NCAM2: variants seen among roughly 807,000 people sequenced by gnomAD.
NCAM2 encodes neural cell adhesion molecule 2, also known as N-CAM-2.
Under a neutral mutation model 98.1 loss-of-function variants are expected in NCAM2, and 30 were observed. The ratio of observed to expected loss-of-function variants is 0.31; its 90% confidence interval spans 0.23 to 0.41. The LOEUF is 0.41. Among genes scored for constraint, NCAM2 ranks in the 10% least tolerant of loss-of-function variants. The probability of loss-of-function intolerance (pLI) is 1.00; values close to 1 mark genes in which losing one functional copy is unlikely to be tolerated. For missense variants in NCAM2, 867 were observed against 1,005.8 expected (o/e 0.86, Z 1.87); for synonymous variants, 368 against 342.4 (o/e 1.07, Z -0.83).
At chr21:21,247,247 A>T (rs1193047745) in intron 1 of NCAM2, among the ~76,000 whole-genome samples, 1 of 152,118 alleles carries the variant, frequency 6.6e-6, no homozygotes. Context: ...TGAACCCGGG[A>T]GGCGGAGCTT....
chr21:21,233,853 A>G (rs923746590), intron 1 of NCAM2, among the ~76,000 whole-genome samples: 1 of 151,750 alleles, frequency 6.6e-6, no homozygotes, highest in Non-Finnish European at 1.5e-5. Context: ...TGGTCTTAGA[A>G]TAGAAGTAAT....
chr21:21,276,163 A>C (rs1766771249), intron 1 of NCAM2, among the ~76,000 whole-genome samples: 1 of 152,094 alleles, frequency 6.6e-6, no homozygotes, highest in African/African-American at 2.4e-5. Context: ...ATAATGGGCA[A>C]ACTTGATACA....
At position 21,538,148 on chromosome 21, in the gene NCAM2, G is replaced by A. The variant is rs1390558246; in HGVS notation, c.*191G>A. 1.4e-5 allele frequency: 5 copies of A among 362,884 alleles called. No individual in the cohort carries two copies. Among genetic ancestry groups the A allele is most frequent in the African/African-American group, 2.1e-5 (1 of 47,484 alleles). 22.5% of individuals were successfully genotyped at this position (362,884 alleles called of 1,614,324 possible). On this transcript the variant is annotated 3_prime_UTR_variant, in exon 18 of 18. Transcript: ENST00000400546. Reference sequence around the variant, plus strand: ...TTTTGTTATTGTTGTTGTTGTTGCTGTTGTTGTTAATTTTGTTAAGAATTT... The same window carrying A: ...TTTTGTTATTGTTGTTGTTGTTGCTATTGTTGTTAATTTTGTTAAGAATTT...
chr21:21,233,798 T>C (rs2070718699), intron 1 of NCAM2, among the ~76,000 whole-genome samples: 1 of 151,812 alleles, frequency 6.6e-6, no homozygotes, highest in South Asian at 2.1e-4. Flanking sequence ...TAATATAGTT[T>C]CTCTTTGCTA....
chr21:21,214,348 C>T (rs1683138965), intron 1 of NCAM2, among the ~76,000 whole-genome samples: 1 of 152,024 alleles, frequency 6.6e-6, no homozygotes, highest in African/African-American at 2.4e-5. Context: ...TTATTCTTTC[C>T]ATGATATCTC....
At chr21:21,122,149 A>T (rs1357176255) in intron 1 of NCAM2, among the ~76,000 whole-genome samples, 2 of 72,106 alleles carry the variant, frequency 2.8e-5, no homozygotes, top group African/African-American at 1.1e-4. Context: ...TTAGGAAAAG[A>T]AACTAAAGTC....
Position 21,159,261 on chromosome 21 carries a change from A to G in NCAM2, c.56-121317A>G, listed in dbSNP as rs913261328. On this transcript the variant is annotated intron_variant, in intron 1 of 17. Transcript: ENST00000400546. ...AAATTTTAAAAAATAAAAAAGTTAT[A>G]TAGTAATAAATTACAGTAAGCTATT... Among the ~76,000 whole-genome samples, 8 of 152,202 alleles carry G rather than the reference A, an allele frequency of 5.3e-5. No homozygotes were observed. In the South Asian group the frequency reaches 8.3e-4, roughly 16 times the overall value.
At chr21:21,169,279 A>G (rs2068046789) in intron 1 of NCAM2, among the ~76,000 whole-genome samples, 1 of 152,142 alleles carries the variant, frequency 6.6e-6, no homozygotes, top group Non-Finnish European at 1.5e-5. Flanking sequence ...CCTTCACAAA[A>G]ATTAATTCAA....
intron 1 of NCAM2, among the ~76,000 whole-genome samples, chr21:21,178,808 G>A (rs1054459335): frequency 2.6e-5 from 4 of 151,920 alleles, no homozygotes; most frequent in Admixed American, 2.6e-4. Flanking sequence ...TCTAAAAAAT[G>A]ATTACTATCA....
intron 8 of NCAM2, among the ~76,000 whole-genome samples, chr21:21,367,265 A>C (rs2075810641): frequency 6.6e-6 from 1 of 151,978 alleles, no homozygotes; most frequent in South Asian, 2.1e-4. Flanking sequence ...AGGGGGTACA[A>C]CTAAAGTTTT....
intron 15 of NCAM2, among the ~76,000 whole-genome samples, chr21:21,498,525 T>C (rs1987407184): frequency 6.6e-6 from 1 of 152,186 alleles, no homozygotes; most frequent in Non-Finnish European, 1.5e-5. Context: ...TCTCATTCAA[T>C]TATTTCTGTA....
At chr21:21,140,109 T>C (rs2826695) in intron 1 of NCAM2, among the ~76,000 whole-genome samples, 64,527 of 152,010 alleles carry the variant, frequency 0.42, 14,238 homozygotes, top group African/African-American at 0.55. Flanking sequence ...TTCAGGTTAC[T>C]CTTTAGAAAG....
At chr21:21,029,107 A>G (rs570493679) in intron 1 of NCAM2, among the ~76,000 whole-genome samples, 1 of 152,320 alleles carries the variant, frequency 6.6e-6, no homozygotes, top group African/African-American at 2.4e-5. Context: ...TAATTGATAA[A>G]CAGAAACCCA....
chr21:21,346,095 A>G (rs1385787422), intron 8 of NCAM2, among the ~76,000 whole-genome samples: 2 of 151,872 alleles, frequency 1.3e-5, no homozygotes, highest in Non-Finnish European at 2.9e-5. Flanking sequence ...AAAGACATAG[A>G]CTGGCTGAAT....
At chr21:21,083,764 A>C (rs1430469846) in intron 1 of NCAM2, among the ~76,000 whole-genome samples, 1 of 152,178 alleles carries the variant, frequency 6.6e-6, no homozygotes, top group African/African-American at 2.4e-5. Context: ...ATTCACAGAT[A>C]GCTGTGAGAA....
intron 1 of NCAM2, among the ~76,000 whole-genome samples, chr21:21,004,760 T>C (rs568405036): frequency 4.6e-5 from 7 of 152,264 alleles, no homozygotes; most frequent in African/African-American, 1.7e-4. Context: ...TCTATTAGCT[T>C]GTTATTATTA....
chr21:21,452,319 T>TGTCC (rs2146136749), intron 12 of NCAM2, among the ~76,000 whole-genome samples: 1 of 149,524 alleles, frequency 6.7e-6, no homozygotes, highest in Admixed American at 6.8e-5. Context: ...AAATGATATA[T>TGTCC]GTCCATTCAT....
chr21:21,284,712 T>C (rs1482615950), intron 3 of NCAM2, among the ~76,000 whole-genome samples: 1 of 150,224 alleles, frequency 6.7e-6, no homozygotes. Context: ...TATTCAGCAT[T>C]TTTTTTTTCA....
chr21:21,290,860 C>G (rs2073265124), intron 4 of NCAM2, among the ~76,000 whole-genome samples: 1 of 151,864 alleles, frequency 6.6e-6, no homozygotes, highest in African/African-American at 2.4e-5. Context: ...GCCTACTACC[C>G]TAGCAGTTTA....
Sources: allele counts gnomAD v4.1 joint callset (sites outside exome capture counted in the v4.1 genomes callset), GRCh38; gene constraint gnomAD v4.1.1; transcripts MANE v1.5; gene names NCBI Gene and HGNC (gene_info 2026-07-23, HGNC 2026-07-21).